Variants in PCDH9 observed in about 807,000 individuals in gnomAD.
PCDH9 encodes the protein protocadherin 9.
A neutral mutation model predicts 70.6 loss-of-function variants in PCDH9; 24 were observed. That is an observed-to-expected ratio of 0.34 (90% confidence interval 0.25 to 0.48). The LOEUF (loss-of-function observed/expected upper bound fraction) is 0.48. PCDH9 is among the 20% of genes least tolerant of loss of function. The pLI, the probability that PCDH9 is intolerant of heterozygous loss-of-function variation, is 0.99. For missense variants in PCDH9, 1,281 were observed against 1,503.6 expected, an observed-to-expected ratio of 0.85 and a Z score of 2.45; for synonymous variants, 562 against 558.5, an observed-to-expected ratio of 1.01 and a Z score of -0.09.
At chr13:66,679,413 G>C (rs1275141420) in intron 3 of PCDH9, among the ~76,000 whole-genome samples, 1 of 151,792 alleles carries the variant, frequency 6.6e-6, no homozygotes, top group East Asian at 1.9e-4. Flanking sequence ...CATTGTAATA[G>C]TGCACACACC....
At chr13:67,117,883 C>A (rs910519373) in intron 2 of PCDH9, among the ~76,000 whole-genome samples, 3 of 152,146 alleles carry the variant, frequency 2.0e-5, no homozygotes, top group Non-Finnish European at 4.4e-5. Context: ...TACTCAGTGA[C>A]TGTCCCCCAA....
chr13:66,629,714 T>C (rs2077545101), intron 4 of PCDH9, among the ~76,000 whole-genome samples: 1 of 152,212 alleles, frequency 6.6e-6, no homozygotes, highest in Admixed American at 6.5e-5. Flanking sequence ...GCAGGGAGCT[T>C]AGATACTCCT....
rs1198614115 is a variant in PCDH9, at chr13:66,603,099, T to C, written c.3340+28111A>G. Among the ~76,000 whole-genome samples, 2 of 145,858 alleles carry C rather than the reference T, an allele frequency of 1.4e-5. 1 individual carries two copies. Among genetic ancestry groups the C allele is most frequent in the Non-Finnish European group, 3.1e-5 (2 of 64,904 alleles). The stretch of plus-strand genomic sequence containing the variant: ...TGTTTCTCAGAACACATCCCCATCG[T>C]TAAGTGATGCATGACTATACTCTGG... On this transcript the variant is annotated intron_variant, in intron 4 of 4. Transcript: ENST00000377865.
At chr13:67,044,250 GA>G (rs555956948) in intron 2 of PCDH9, among the ~76,000 whole-genome samples, 372 of 152,060 alleles carry the variant, frequency 2.4e-3, no homozygotes, top group African/African-American at 8.2e-3. Flanking sequence ...GAGAAAAATG[GA>G]AAAAAGCAAG....
At chr13:67,058,791 C>A (rs2138118724) in intron 2 of PCDH9, among the ~76,000 whole-genome samples, 1 of 152,200 alleles carries the variant, frequency 6.6e-6, no homozygotes, top group Admixed American at 6.6e-5. Context: ...GACCACCTGG[C>A]AAGGGAAGCC....
intron 2 of PCDH9, among the ~76,000 whole-genome samples, chr13:67,113,858 A>G (rs761182754): frequency 6.6e-6 from 1 of 152,182 alleles, no homozygotes; most frequent in Non-Finnish European, 1.5e-5. Context: ...AAACATTTGG[A>G]TCACACTGAG....
At chr13:66,829,717 CAAAAAAAAAAAAA>C (rs562176354) in intron 3 of PCDH9, among the ~76,000 whole-genome samples, 10 of 53,130 alleles carry the variant, frequency 1.9e-4, no homozygotes, top group Admixed American at 6.8e-4. Context: ...GACTCCGTCT[CAAAAAAAAAAAAA>C]AAAAAAAAAA....
intron 4 of PCDH9, among the ~76,000 whole-genome samples, chr13:66,622,281 C>T (rs1485394607): frequency 6.6e-6 from 1 of 152,176 alleles, no homozygotes; most frequent in Non-Finnish European, 1.5e-5. Flanking sequence ...GAGTGCAGCC[C>T]CCTGCTCCAC....
At chr13:66,531,001 G>T (rs1960426540) in intron 4 of PCDH9, among the ~76,000 whole-genome samples, 2 of 151,622 alleles carry the variant, frequency 1.3e-5, no homozygotes, top group Non-Finnish European at 2.9e-5. Context: ...ATCATCCATT[G>T]TGTTTTTCCC....
At chr13:67,081,524 T>C (rs1226453314) in intron 2 of PCDH9, among the ~76,000 whole-genome samples, 1 of 152,106 alleles carries the variant, frequency 6.6e-6, no homozygotes. Context: ...GCTGAGATAG[T>C]GCCACTGCAC....
intron 2 of PCDH9, among the ~76,000 whole-genome samples, chr13:66,954,220 T>G (rs1472947365): frequency 6.6e-6 from 1 of 152,194 alleles, no homozygotes; most frequent in African/African-American, 2.4e-5. Flanking sequence ...CTTATAATGC[T>G]CTCTCTTTAT....
intron 4 of PCDH9, among the ~76,000 whole-genome samples, chr13:66,437,406 A>AAG (rs1386824394): frequency 5.4e-5 from 7 of 129,552 alleles, no homozygotes; most frequent in African/African-American, 2.9e-4. Flanking sequence ...CTCTGTCTCA[A>AAG]AAAAAAAAAA....
At chr13:66,505,563 T>G (rs1400453678) in intron 4 of PCDH9, among the ~76,000 whole-genome samples, 1 of 152,092 alleles carries the variant, frequency 6.6e-6, no homozygotes, top group African/African-American at 2.4e-5. Flanking sequence ...TTCCATATGG[T>G]TGAGGGGGAG....
In PCDH9 at chr13:66,623,613, T is replaced by A. The variant is rs76909673; in HGVS notation, c.3340+7597A>T. Among the ~76,000 whole-genome samples the A allele has an allele frequency of 4.2e-3, 633 of 152,032 alleles. 19 individuals carry two copies. In the East Asian group the frequency reaches 0.08, roughly 19 times the overall value. On this transcript the variant is annotated intron_variant, in intron 4 of 4. Transcript: ENST00000377865. ...ACAACTTCACTTGGCTAATTTTTAA[T>A]TTTTTTTGTACAGACACGGTCTTGT...
chr13:66,798,433 T>A (rs1194409349), intron 3 of PCDH9, among the ~76,000 whole-genome samples: 1 of 152,154 alleles, frequency 6.6e-6, no homozygotes, highest in Admixed American at 6.6e-5. Context: ...GCACAGACAC[T>A]GAATCTAGAC....
chr13:66,865,084 C>CT (rs2081550328), intron 3 of PCDH9, among the ~76,000 whole-genome samples: 1 of 152,118 alleles, frequency 6.6e-6, no homozygotes, highest in Non-Finnish European at 1.5e-5. Flanking sequence ...AATCTTCATA[C>CT]TTTTATGAAG....
intron 3 of PCDH9, among the ~76,000 whole-genome samples, chr13:66,657,743 C>T (rs2077952031): frequency 6.6e-6 from 1 of 152,176 alleles, no homozygotes; most frequent in Non-Finnish European, 1.5e-5. Flanking sequence ...CAACATCCTA[C>T]ACTCCTGGGC....
At chr13:67,052,103 T>C (rs780798930) in intron 2 of PCDH9, among the ~76,000 whole-genome samples, 15 of 152,174 alleles carry the variant, frequency 9.9e-5, no homozygotes, top group Admixed American at 6.5e-5. Context: ...TAGGTGCTTG[T>C]GTTTCTGCCT....
intron 3 of PCDH9, among the ~76,000 whole-genome samples, chr13:66,817,558 T>C (rs938837890): frequency 6.6e-6 from 1 of 152,186 alleles, no homozygotes; most frequent in African/African-American, 2.4e-5. Context: ...ACTTAGACTT[T>C]CTTAGTAAAA....
Sources: gnomAD v4.1 joint callset for allele counts (sites outside exome capture counted in the v4.1 genomes callset) on GRCh38, gnomAD v4.1.1 for gene constraint, MANE v1.5 for transcripts, NCBI Gene and HGNC (gene_info 2026-07-23, HGNC 2026-07-21) for gene names.